ALMS1: variants seen among roughly 807,000 people sequenced by gnomAD.
The protein encoded by ALMS1 is centrosome-associated protein ALMS1.
In ALMS1, 271 loss-of-function variants were observed where a neutral mutation model predicts 352.2. The ratio of observed to expected loss-of-function variants is 0.77; its 90% CI spans 0.70 to 0.85. The LOEUF (loss-of-function observed/expected upper bound fraction) is 0.85, where lower values mean the gene tolerates loss of function less well. Ranked by LOEUF, ALMS1 falls within the 40% of genes least tolerant of loss-of-function variation. ALMS1 has a pLI of 0.00. For synonymous variants in ALMS1, 1,865 were observed against 1,761.2 expected (o/e 1.06, Z -1.48); for missense variants, 5,445 against 4,870.7 (o/e 1.12, Z -3.51).
chr2:73,450,587 A>G lies in ALMS1; in HGVS notation c.4060A>G (p.Thr1354Ala), dbSNP rs1330377280. The G allele has an allele frequency of 1.9e-6, 3 of 1,599,948 alleles. No homozygotes were observed. The highest frequency in any genetic ancestry group is 1.7e-6 in the Non-Finnish European group (2 of 1,175,492). The change falls in exon 8 of 23, where the codon ACT (threonine) becomes GCT (alanine). Residue 1354 changes from threonine (T) to alanine (A), a missense_variant. Thr to Ala is a moderately conservative substitution (Grantham distance 58). Coordinates refer to ENST00000613296, the MANE Select transcript of ALMS1 (RefSeq NM_001378454.1). ...YQQVLPHSHP[T>A]EEALKISVAS... ...ACAGGTCTTGCCACATAGTCATCCA[A>G]CTGAAGAGGCTCTGAAAATTTCAGT... is the stretch of plus-strand genomic sequence containing the variant.
intron 12 of ALMS1, among the ~76,000 whole-genome samples, chr2:73,549,398 T>C (rs760577687): frequency 3.3e-5 from 5 of 152,230 alleles, no homozygotes; most frequent in Non-Finnish European, 5.9e-5. Flanking sequence ...TCTTCCGTTA[T>C]GTTGCATTTT....
At position 73,386,052 on chromosome 2, in the gene ALMS1, C is replaced by A; in HGVS notation, c.184C>A (p.Pro62Thr). ...GTTGGACTCCGACTCTCACTACGGG[C>A]CCCAGCATCTGGAAAGTATAGACGA... ...RELDSDSHYG[P>T]QHLESIDDEE... is the part of the protein sequence containing the mutation. Residue 62 changes from proline to threonine, a missense_variant, in exon 1 of 23, where the codon CCC becomes ACC. Transcript: ENST00000613296. The A allele has an allele frequency of 1.3e-6, 2 of 1,582,708 alleles. No homozygotes were observed. The highest frequency in any genetic ancestry group is 1.7e-6 in the Non-Finnish European group (2 of 1,165,084).
At chr2:73,499,695 A>G (rs1439303820) in intron 10 of ALMS1, among the ~76,000 whole-genome samples, 3 of 152,110 alleles carry the variant, frequency 2.0e-5, no homozygotes, top group African/African-American at 7.2e-5. Context: ...GTCTCTTCAA[A>G]ATCTCATATT....
Position 73,609,626 on chromosome 2 carries a change from T to G in ALMS1, c.*14T>G, listed in dbSNP as rs779844503. On this transcript the variant is annotated 3_prime_UTR_variant, in exon 23 of 23. Coordinates refer to ENST00000613296, the MANE Select transcript of ALMS1 (RefSeq NM_001378454.1). ...CCCTGGGACTGACACAAGTTTATTT[T>G]CCTCAGAGCCTTGGAATTCTATTTT... is the stretch of plus-strand genomic sequence containing the variant. 6.2e-7 allele frequency: 1 copy of G among 1,613,432 alleles called. No homozygotes were observed.
At chr2:73,476,898 A>G (rs1196290818) in intron 9 of ALMS1, among the ~76,000 whole-genome samples, 2 of 152,156 alleles carry the variant, frequency 1.3e-5, no homozygotes, top group Non-Finnish European at 2.9e-5. Flanking sequence ...GACGTATAGC[A>G]TAGCAAAACA....
chr2:73,464,061 T>C (rs1337605510), intron 9 of ALMS1, among the ~76,000 whole-genome samples: 2 of 152,172 alleles, frequency 1.3e-5, no homozygotes, highest in East Asian at 1.9e-4. Context: ...TTCCAATCAA[T>C]AGAAAAAGAG....
intron 13 of ALMS1, among the ~76,000 whole-genome samples, chr2:73,550,790 T>C (rs1395018750): frequency 2.0e-5 from 3 of 152,170 alleles, no homozygotes; most frequent in Admixed American, 6.6e-5. Flanking sequence ...TATTACAAAG[T>C]AATGTCTTAT....
intron 16 of ALMS1, among the ~76,000 whole-genome samples, chr2:73,589,295 T>G (rs1244210338): frequency 6.6e-6 from 1 of 152,176 alleles, no homozygotes; most frequent in South Asian, 2.1e-4. Flanking sequence ...AAAGACCATT[T>G]TGAGCTTCCC....
At chr2:73,527,157 T>C (rs951543419) in intron 11 of ALMS1, among the ~76,000 whole-genome samples, 4 of 152,180 alleles carry the variant, frequency 2.6e-5, no homozygotes, top group Non-Finnish European at 5.9e-5. Flanking sequence ...AATGTGTTGT[T>C]GAATTTGGTT....
At chr2:73,502,923 G>A (rs944227063) in intron 10 of ALMS1, among the ~76,000 whole-genome samples, 3 of 152,006 alleles carry the variant, frequency 2.0e-5, no homozygotes, top group Admixed American at 2.0e-4. Flanking sequence ...AGTTATTTGG[G>A]AATACGTTGT....
At chr2:73,609,515 C>T in intron 22 of ALMS1, 53 bp from the exon 23 acceptor site, 1 of 1,556,374 alleles carries the variant, frequency 6.4e-7, no homozygotes, top group Non-Finnish European at 8.8e-7. Context: ...GAGGCATCTG[C>T]CTCTGATGGC....
At chr2:73,502,055 G>C (rs1673230399) in intron 10 of ALMS1, among the ~76,000 whole-genome samples, 1 of 151,974 alleles carries the variant, frequency 6.6e-6, no homozygotes, top group Non-Finnish European at 1.5e-5. Flanking sequence ...TTTTCTCATT[G>C]TTCATTGCTT....
chr2:73,474,414 T>TGTC (rs1672540840), intron 9 of ALMS1, among the ~76,000 whole-genome samples: 1 of 151,342 alleles, frequency 6.6e-6, no homozygotes, highest in African/African-American at 2.4e-5. Flanking sequence ...TGTGTGTCTA[T>TGTC]TGGTTTACAT....
chr2:73,530,036 T>A (rs960324149), intron 11 of ALMS1, among the ~76,000 whole-genome samples: 1 of 152,150 alleles, frequency 6.6e-6, no homozygotes, highest in African/African-American at 2.4e-5. Context: ...GAGATTTGGC[T>A]AGGGACACAG....
intron 15 of ALMS1, among the ~76,000 whole-genome samples, chr2:73,560,836 T>G (rs1674644277): frequency 6.6e-6 from 1 of 152,212 alleles, no homozygotes; most frequent in South Asian, 2.1e-4. Context: ...AAATACCATA[T>G]GGTTTCTCGC....
At chr2:73,419,045 G>A in intron 2 of ALMS1, 78 bp from the exon 3 acceptor site, 2 of 1,197,702 alleles carry the variant, frequency 1.7e-6, no homozygotes, top group Non-Finnish European at 2.5e-6. Context: ...ATACATGAGT[G>A]GACATTTTCA....
chr2:73,594,787 A>T (rs981439923), intron 16 of ALMS1, among the ~76,000 whole-genome samples: 1 of 152,032 alleles, frequency 6.6e-6, no homozygotes, highest in Non-Finnish European at 1.5e-5. Flanking sequence ...TCCTTTCCTG[A>T]TGTGTTTTTT....
At position 73,489,946 on chromosome 2, in the gene ALMS1, A is replaced by C; in HGVS notation, c.7987A>C (p.Lys2663Gln). ...PFQNFIPDEFKISKGLRMPFD... is the reference protein window; with the variant it reads ...PFQNFIPDEFQISKGLRMPFD... The stretch of plus-strand genomic sequence containing the variant: ...TCAGAACTTTATACCTGATGAATTC[A>C]AAATCAGCAAAGGTCTTCGAATGCC... Residue 2663 changes from lysine to glutamine, a missense_variant, in exon 10 of 23, where the codon AAA (lysine) becomes CAA (glutamine). Physicochemically the swap from Lys to Gln is moderately conservative, Grantham distance 53. Transcript: ENST00000613296. The C allele has an allele frequency of 6.2e-7, 1 of 1,614,268 alleles. No homozygotes were observed. Among genetic ancestry groups the C allele is most frequent in the Non-Finnish European group, 8.5e-7 (1 of 1,180,048 alleles).
intron 1 of ALMS1, among the ~76,000 whole-genome samples, chr2:73,395,084 T>A (rs1275909031): frequency 1.2e-4 from 15 of 130,044 alleles, no homozygotes; most frequent in East Asian, 6.2e-4. Flanking sequence ...ATATATTTTT[T>A]TTTTTTTTTT....
Sources: allele counts gnomAD v4.1 joint callset (sites outside exome capture counted in the v4.1 genomes callset), GRCh38; gene constraint gnomAD v4.1.1; transcripts MANE v1.5; gene names NCBI Gene and HGNC (gene_info 2026-07-23, HGNC 2026-07-21).